The following PREX2 variants were observed in gnomAD, a reference collection of about 807,000 sequenced individuals.
The protein encoded by PREX2 is phosphatidylinositol 3,4,5-trisphosphate-dependent Rac exchanger 2 protein.
In PREX2, 107 loss-of-function variants were observed where a neutral mutation model predicts 203.2. That is an observed-to-expected ratio of 0.53 (90% confidence interval 0.45 to 0.62). The LOEUF (loss-of-function observed/expected upper bound fraction) is 0.62, where lower values mean the gene tolerates loss of function less well. Among genes scored for constraint, PREX2 ranks in the 20% least tolerant of loss-of-function variants. The pLI is 0.00. For missense variants in PREX2, 1,777 were observed against 1,955.9 expected (o/e 0.91, Z 1.72); for synonymous variants, 672 against 663.6 (o/e 1.01, Z -0.19).
rs1156547778 is a variant in PREX2 at position 67,952,106 on chromosome 8, C to G, written c.-289C>G. The G allele has an allele frequency of 3.3e-6, 1 of 305,300 alleles. No homozygotes were observed. The highest frequency in any genetic ancestry group is 5.9e-6 in the Non-Finnish European group (1 of 169,210). 18.9% of individuals were successfully genotyped at this position (305,300 alleles called of 1,614,324 possible). On this transcript the variant is annotated 5_prime_UTR_variant, in exon 1 of 40. Transcript: ENST00000288368. The stretch of plus-strand genomic sequence containing the variant: ...GCCGAAGCCGCTTCCCCTCCAGCCC[C>G]GGCCGTGTGAGGCCAGAGCAGCGGG...
chr8:68,014,416 C>G (rs531485059), intron 1 of PREX2, among the ~76,000 whole-genome samples: 2 of 152,152 alleles, frequency 1.3e-5, no homozygotes, highest in South Asian at 4.2e-4. Context: ...CACATGTTCA[C>G]ACACATGCAA....
chr8:68,224,767 C>G, intron 39 of PREX2, 141 bp downstream of exon 39: 1 of 617,826 alleles, frequency 1.6e-6, no homozygotes, highest in South Asian at 2.1e-5. Context: ...TTGAAACACC[C>G]AATGGCTAAG....
At chr8:68,141,406 T>A (rs1387822348) in intron 33 of PREX2, among the ~76,000 whole-genome samples, 2 of 152,168 alleles carry the variant, frequency 1.3e-5, no homozygotes, top group Non-Finnish European at 2.9e-5. Context: ...GCATGGTTCC[T>A]GTCTTCATGG....
At chr8:68,119,572 T>C in intron 28 of PREX2, 58 bp downstream of exon 28, 1 of 1,244,630 alleles carries the variant, frequency 8.0e-7, no homozygotes, top group Non-Finnish European at 1.2e-6. Context: ...GGAGTCCCTT[T>C]TTCATATGCA....
At chr8:68,021,660 T>C (rs1044182400) in intron 3 of PREX2, among the ~76,000 whole-genome samples, 1 of 152,246 alleles carries the variant, frequency 6.6e-6, no homozygotes, top group Non-Finnish European at 1.5e-5. Flanking sequence ...GATTGATCTT[T>C]CTTCTACATA....
chr8:68,206,248 A>G (rs1400871652), intron 37 of PREX2, among the ~76,000 whole-genome samples: 2 of 152,232 alleles, frequency 1.3e-5, no homozygotes, highest in Admixed American at 6.5e-5. Flanking sequence ...CTTTCTCACA[A>G]TGATGGCTTG....
intron 24 of PREX2, 104 bp downstream of exon 24, chr8:68,108,435 G>A (rs1810463196): frequency 4.1e-6 from 3 of 731,898 alleles, no homozygotes; most frequent in Admixed American, 2.6e-5. Context: ...GTGCAAACAA[G>A]CATGAACTTT....
intron 32 of PREX2, among the ~76,000 whole-genome samples, chr8:68,135,459 A>G (rs985916611): frequency 5.3e-5 from 8 of 152,212 alleles, no homozygotes; most frequent in African/African-American, 1.7e-4. Flanking sequence ...AAAAATGTCC[A>G]AAAAGCACAT....
chr8:68,184,569 G>A (rs1389079854), intron 35 of PREX2, among the ~76,000 whole-genome samples: 2 of 152,150 alleles, frequency 1.3e-5, no homozygotes, highest in Non-Finnish European at 2.9e-5. Context: ...GACCAAGTGA[G>A]AACTTTCTGT....
intron 39 of PREX2, among the ~76,000 whole-genome samples, chr8:68,226,417 A>C (rs866716184): frequency 6.6e-6 from 1 of 152,270 alleles, no homozygotes. Flanking sequence ...CCAGCTGAGA[A>C]CCTGGACTCC....
chr8:68,002,673 T>C (rs1349273268), intron 1 of PREX2, among the ~76,000 whole-genome samples: 2 of 152,192 alleles, frequency 1.3e-5, no homozygotes, highest in Non-Finnish European at 2.9e-5. Flanking sequence ...ATCATTTTTT[T>C]TTTCAGAGCA....
At chr8:68,168,355 A>G (rs1053442237) in intron 35 of PREX2, among the ~76,000 whole-genome samples, 3 of 152,334 alleles carry the variant, frequency 2.0e-5, no homozygotes, top group Admixed American at 1.3e-4. Context: ...ATATATACTC[A>G]TATCAAACAG....
chr8:68,013,491 CCTT>C (rs1807325133), intron 1 of PREX2, among the ~76,000 whole-genome samples: 1 of 152,176 alleles, frequency 6.6e-6, no homozygotes, highest in African/African-American at 2.4e-5. Flanking sequence ...CACCCCAAAA[CCTT>C]CTTCACTTTC....
intron 35 of PREX2, among the ~76,000 whole-genome samples, chr8:68,159,535 T>A (rs1484577729): frequency 6.6e-6 from 1 of 152,180 alleles, no homozygotes; most frequent in Non-Finnish European, 1.5e-5. Context: ...ACTCTGCTCT[T>A]CTTGAGATCC....
At chr8:68,001,299 A>G (rs987274138) in intron 1 of PREX2, among the ~76,000 whole-genome samples, 1 of 79,032 alleles carries the variant, frequency 1.3e-5, no homozygotes, top group Non-Finnish European at 3.1e-5. Context: ...TACACTTTTC[A>G]AAAGAAGAAA....
chr8:68,141,764 A>G (rs1811235825), intron 33 of PREX2, among the ~76,000 whole-genome samples: 1 of 152,174 alleles, frequency 6.6e-6, no homozygotes, highest in Non-Finnish European at 1.5e-5. Flanking sequence ...GTTTACAAGG[A>G]TGGGATGGCA....
At chr8:67,962,681 A>C (rs1457585009) in intron 1 of PREX2, among the ~76,000 whole-genome samples, 11 of 151,554 alleles carry the variant, frequency 7.3e-5, no homozygotes, top group Admixed American at 2.0e-4. Context: ...ATCTCGGCTC[A>C]CTGCAACCTC....
At chr8:68,224,398 A>G (rs1258862057) in intron 38 of PREX2, among the ~76,000 whole-genome samples, 161 bp from the exon 39 acceptor site, 1 of 152,202 alleles carries the variant, frequency 6.6e-6, no homozygotes, top group East Asian at 1.9e-4. Context: ...AAAAGCATTG[A>G]TTTTGAAAAT....
intron 38 of PREX2, among the ~76,000 whole-genome samples, chr8:68,222,857 T>C: frequency 6.6e-6 from 1 of 152,228 alleles, no homozygotes; most frequent in East Asian, 1.9e-4. Context: ...ACATCACTTC[T>C]GTGATTTTCT....
Sources: allele counts gnomAD v4.1 joint callset (sites outside exome capture counted in the v4.1 genomes callset), GRCh38; gene constraint gnomAD v4.1.1; transcripts MANE v1.5; gene names NCBI Gene and HGNC (gene_info 2026-07-23, HGNC 2026-07-21).